ERC2: variants seen among roughly 807,000 people sequenced by gnomAD.
ERC2 encodes ELKS/RAB6-interacting/CAST family member 2.
In ERC2, 42 loss-of-function variants were observed where a neutral mutation model predicts 114.8. That is an observed-to-expected ratio of 0.37 (90% CI 0.29 to 0.47). The LOEUF (loss-of-function observed/expected upper bound fraction) is 0.47, where lower values mean the gene tolerates loss of function less well. Ranked by LOEUF, ERC2 falls within the 20% of genes least tolerant of loss-of-function variation. The pLI is 0.99. For missense variants in ERC2, 939 were observed against 1,150.7 expected, an observed-to-expected ratio of 0.82 and a Z score of 2.66; for synonymous variants, 454 against 425.5, an observed-to-expected ratio of 1.07 and a Z score of -0.82.
intron 13 of ERC2, among the ~76,000 whole-genome samples, chr3:55,932,332 A>C (rs2066147833): frequency 2.6e-5 from 4 of 152,190 alleles, no homozygotes; most frequent in Admixed American, 2.0e-4. Context: ...GGCAATAATG[A>C]TGTTATTATT....
intron 6 of ERC2, among the ~76,000 whole-genome samples, chr3:56,117,592 G>A (rs1210343895): frequency 6.6e-6 from 1 of 152,192 alleles, no homozygotes; most frequent in African/African-American, 2.4e-5. Context: ...AGGATAAGAG[G>A]ACTCCCTCAA....
At chr3:55,566,937 G>T in intron 17 of ERC2, among the ~76,000 whole-genome samples, 1 of 152,200 alleles carries the variant, frequency 6.6e-6, no homozygotes, top group Admixed American at 6.5e-5. Flanking sequence ...CTGACATCAA[G>T]TGATCTGCCT....
At chr3:56,435,546 C>T (rs535317280) in intron 1 of ERC2, among the ~76,000 whole-genome samples, 152 of 152,352 alleles carry the variant, frequency 1.0e-3, no homozygotes, top group African/African-American at 3.4e-3. Flanking sequence ...GGCATAACCC[C>T]TATATGCATG....
At chr3:55,952,200 A>C (rs9815076) in intron 12 of ERC2, among the ~76,000 whole-genome samples, 32,183 of 108,566 alleles carry the variant, frequency 0.3, 5,807 homozygotes, top group South Asian at 0.35. Context: ...CTCTCTCTCT[A>C]TATATATATA....
rs143241369 is a variant in ERC2 at position 56,190,825 on chromosome 3, C to T, written c.1075-17305G>A. 1.1e-4 allele frequency among the ~76,000 whole-genome samples: 16 copies of T among 152,206 alleles called. No individual in the cohort carries two copies. In the East Asian group the frequency reaches 3.1e-3, roughly 29 times the overall value. On this transcript the variant is annotated intron_variant, in intron 3 of 17. Coordinates refer to ENST00000288221, the MANE Select transcript of ERC2 (RefSeq NM_015576.3). Reference sequence around the variant, plus strand: ...CTGGGTTCAAGAGACCCTCCCACCTCGGCCTCCCAAAGTGCTGAGATTACA... The same window carrying T: ...CTGGGTTCAAGAGACCCTCCCACCTTGGCCTCCCAAAGTGCTGAGATTACA...
intron 14 of ERC2, among the ~76,000 whole-genome samples, chr3:55,869,641 T>G (rs2062483245): frequency 6.6e-6 from 1 of 152,270 alleles, no homozygotes; most frequent in Non-Finnish European, 1.5e-5. Context: ...AGCCCCATGA[T>G]ACCCAGGTCT....
chr3:56,305,621 C>A (rs535236022), intron 2 of ERC2, among the ~76,000 whole-genome samples: 136 of 151,664 alleles, frequency 9.0e-4, no homozygotes, highest in African/African-American at 3.1e-3. Flanking sequence ...GGATGTTGAT[C>A]AATAAGAACT....
intron 1 of ERC2, among the ~76,000 whole-genome samples, chr3:56,448,012 G>C (rs1423038729): frequency 1.3e-5 from 2 of 152,106 alleles, no homozygotes; most frequent in Admixed American, 1.3e-4. Flanking sequence ...CAAAGTGCTA[G>C]GATTACAGGT....
At chr3:56,202,572 A>G (rs1425327356) in intron 3 of ERC2, among the ~76,000 whole-genome samples, 1 of 151,564 alleles carries the variant, frequency 6.6e-6, no homozygotes, top group Non-Finnish European at 1.5e-5. Context: ...CCAAAAAATT[A>G]TATATATTTA....
intron 6 of ERC2, among the ~76,000 whole-genome samples, chr3:56,115,409 C>T (rs1475149478): frequency 6.6e-6 from 1 of 152,048 alleles, no homozygotes; most frequent in Non-Finnish European, 1.5e-5. Flanking sequence ...GTTGGTTCCT[C>T]TAGGAACCAG....
chr3:56,158,808 G>GTTC (rs2081890088), intron 4 of ERC2, among the ~76,000 whole-genome samples: 1 of 150,068 alleles, frequency 6.7e-6, no homozygotes. Flanking sequence ...TAACAAACTT[G>GTTC]TTTTTTTTCA....
At chr3:55,556,500 A>G (rs934774212) in intron 17 of ERC2, among the ~76,000 whole-genome samples, 1 of 152,160 alleles carries the variant, frequency 6.6e-6, no homozygotes, top group Admixed American at 6.5e-5. Flanking sequence ...ATATGACTCA[A>G]CTTGGCCAAT....
At chr3:56,163,350 G>A (rs1176146869) in intron 4 of ERC2, among the ~76,000 whole-genome samples, 1 of 152,094 alleles carries the variant, frequency 6.6e-6, no homozygotes, top group African/African-American at 2.4e-5. Context: ...TGTGGTTGAT[G>A]AGTGGAATAT....
intron 1 of ERC2, among the ~76,000 whole-genome samples, chr3:56,438,203 G>T (rs556825598): frequency 6.6e-6 from 1 of 152,280 alleles, no homozygotes; most frequent in Admixed American, 6.5e-5. Context: ...CCCAGATAGT[G>T]TCAAGGAGCT....
intron 13 of ERC2, among the ~76,000 whole-genome samples, chr3:55,889,939 C>G (rs1011258614): frequency 1.6e-4 from 25 of 152,116 alleles, no homozygotes; most frequent in African/African-American, 6.0e-4. Flanking sequence ...TTTTAAGATT[C>G]AGAAAACCCT....
chr3:56,175,159 C>T (rs2082906786), intron 3 of ERC2, among the ~76,000 whole-genome samples: 1 of 152,178 alleles, frequency 6.6e-6, no homozygotes, highest in South Asian at 2.1e-4. Flanking sequence ...CCATAGGGCA[C>T]ATGTCCAAGG....
At chr3:55,521,463 G>A (rs1414113228) in intron 17 of ERC2, among the ~76,000 whole-genome samples, 1 of 152,266 alleles carries the variant, frequency 6.6e-6, no homozygotes, top group African/African-American at 2.4e-5. Context: ...GAGGTGAAAT[G>A]CTATGCAGCA....
chr3:55,834,625 A>C (rs1005128352), intron 14 of ERC2, among the ~76,000 whole-genome samples: 13 of 151,344 alleles, frequency 8.6e-5, no homozygotes, highest in African/African-American at 3.2e-4. Context: ...GTAGAGGGAA[A>C]TTTATAGCAC....
chr3:56,253,944 TCTTA>T (rs1464183233), intron 3 of ERC2, among the ~76,000 whole-genome samples: 1 of 152,192 alleles, frequency 6.6e-6, no homozygotes, highest in Non-Finnish European at 1.5e-5. Flanking sequence ...AAAGAAAAGC[TCTTA>T]CTTAGGAATT....
Sources: allele counts gnomAD v4.1 joint callset (sites outside exome capture counted in the v4.1 genomes callset), GRCh38; gene constraint gnomAD v4.1.1; transcripts MANE v1.5; gene names NCBI Gene and HGNC (gene_info 2026-07-23, HGNC 2026-07-21).